ZNF547: variants seen among roughly 807,000 people sequenced by gnomAD.
ZNF547 encodes zinc finger protein 547.
ZNF547 carries 4 observed loss-of-function variants against 7.7 expected under a neutral mutation model. The ratio of observed to expected loss-of-function variants is 0.52; its 90% CI spans 0.26 to 1.20. ZNF547 has a LOEUF of 1.20. Ranked by LOEUF, ZNF547 falls within the 50% of genes most tolerant of loss-of-function variation. ZNF547 has a pLI of 0.14. For missense variants in ZNF547, 449 were observed against 485.8 expected, an observed-to-expected ratio of 0.92 and a Z score of 0.71; for synonymous variants, 166 against 166.2, an observed-to-expected ratio of 1.00 and a Z score of 0.01.
intron 3 of ZNF547, among the ~76,000 whole-genome samples, chr19:57,372,808 A>G (rs1415475428): frequency 1.3e-5 from 2 of 152,178 alleles, no homozygotes; most frequent in African/African-American, 4.8e-5. Context: ...CCTGAACACC[A>G]TCTCCTCTGT....
chr19:57,365,861 T>C (rs1437256938), intron 1 of ZNF547, among the ~76,000 whole-genome samples: 2 of 148,944 alleles, frequency 1.3e-5, no homozygotes, highest in Admixed American at 6.6e-5. Context: ...TTTCTTTCTT[T>C]CTTTTTTTTT....
At chr19:57,368,898 A>G (rs2123013927) in intron 2 of ZNF547, among the ~76,000 whole-genome samples, 1 of 152,264 alleles carries the variant, frequency 6.6e-6, no homozygotes, top group African/African-American at 2.4e-5. Context: ...TGTTTAGAGG[A>G]GAGACTGAAC....
At chr19:57,375,249 C>T (rs1204203886) in intron 3 of ZNF547, among the ~76,000 whole-genome samples, 1 of 152,060 alleles carries the variant, frequency 6.6e-6, no homozygotes, top group Non-Finnish European at 1.5e-5. Flanking sequence ...ACTCGGGAGG[C>T]TGAAGCAAGA....
intron 2 of ZNF547, among the ~76,000 whole-genome samples, chr19:57,369,899 C>CTTGTTTTTTTTTTT (rs2088493680): frequency 3.9e-5 from 2 of 51,678 alleles, no homozygotes; most frequent in Non-Finnish European, 6.7e-5. Context: ...ACTCACAGTT[C>CTTGTTTTTTTTTTT]TTTTTTTTTT....
Position 57,378,542 on chromosome 19 carries a change from A to G in ZNF547, c.*357A>G, listed in dbSNP as rs2088554336. 4.7e-6 allele frequency: 2 copies of G among 421,614 alleles called. No homozygotes were observed. The highest frequency in any genetic ancestry group is 4.1e-5 in the African/African-American group (2 of 49,074). The allele number at this position is 421,614 out of a possible 1,614,324, so 26.1% of individuals were successfully genotyped here. A position where few individuals can be genotyped will look rare whatever the true frequency, so the allele number is the denominator to read the frequency against. Reference sequence around the variant, plus strand: ...CTTCTGAGTACAGCAAATGTGTGACATTATTTTGCTACTACTCCACACTAC... The same window carrying G: ...CTTCTGAGTACAGCAAATGTGTGACGTTATTTTGCTACTACTCCACACTAC... On this transcript the variant is annotated 3_prime_UTR_variant, in exon 4 of 4. Coordinates refer to ENST00000282282, the MANE Select transcript of ZNF547 (RefSeq NM_173631.4).
chr19:57,365,415 C>G (rs913220333), intron 1 of ZNF547: 1 of 616,072 alleles, frequency 1.6e-6, no homozygotes, highest in African/African-American at 1.8e-5. Context: ...ATAGTACATT[C>G]TGTCTCATGT....
Position 57,377,377 on chromosome 19 carries a change from C to CTAGAGG in ZNF547, c.402_407dup (p.Arg135_Gly136dup), listed in dbSNP as rs2088542922. 1 of 1,614,096 alleles carries CTAGAGG rather than the reference C, an allele frequency of 6.2e-7. No individual in the cohort carries two copies. The highest frequency in any genetic ancestry group is 1.3e-5 in the African/African-American group (1 of 74,940). On this transcript the variant is annotated inframe_insertion, in exon 4 of 4. Coordinates refer to ENST00000282282, the MANE Select transcript of ZNF547 (RefSeq NM_173631.4). Reference sequence around the variant, plus strand: ...AAGGAGCAGATTAGAGAGAAACTTTCTAGAGGGGATGGAGGAAGACCGACA... The same window carrying CTAGAGG: ...AAGGAGCAGATTAGAGAGAAACTTTCTAGAGGTAGAGGGGATGGAGGAAGACCGACA...
At chr19:57,365,457 G>T (rs2088460420) in intron 1 of ZNF547, 1 of 516,104 alleles carries the variant, frequency 1.9e-6, no homozygotes, top group Non-Finnish European at 3.4e-6. Context: ...GTATTTCCTT[G>T]TGAACAATGT....
Position 57,367,426 on chromosome 19 carries a change from GAAAAAAAA to G in ZNF547, c.-12-1105_-12-1098del, listed in dbSNP as rs750776299. On this transcript the variant is annotated intron_variant, in intron 1 of 3. Coordinates refer to ENST00000282282, the MANE Select transcript of ZNF547 (RefSeq NM_173631.4). ...TTGATTTCTTAAATGGTTTGTTCAA[GAAAAAAAA>G]AAAAAAAAAAAAGAATAGAGGGTGT... Among the ~76,000 whole-genome samples the G allele has an allele frequency of 1.7e-3, 114 of 65,710 alleles. 4 individuals carry two copies. The East Asian group carries it at 0.034, about 20-fold the overall frequency. The allele number at this position is 65,710 out of a possible 152,430, so 43.1% of individuals were successfully genotyped here.
In ZNF547 at chr19:57,377,282, G is replaced by A. The variant is rs138029123; in HGVS notation, c.306G>A (p.Leu102=). The change falls in exon 4 of 4, where the codon CTG becomes CTA. Residue 102 remains leucine, a synonymous_variant. Transcript: ENST00000282282. ...CSSLLKDILR[L]AEHDGTHPEQ... Reference sequence around the variant, plus strand: ...CACTTCTGAAGGACATTCTGCGTCTGGCTGAGCATGACGGAACACACCCCG... The same window carrying A: ...CACTTCTGAAGGACATTCTGCGTCTAGCTGAGCATGACGGAACACACCCCG... 658 of 1,614,208 alleles carry A rather than the reference G, an allele frequency of 4.1e-4. 10 individuals are homozygous for A. In the East Asian group the frequency reaches 0.015, roughly 36 times the overall value.
At chr19:57,368,762 T>G (rs1320036021) in intron 2 of ZNF547, among the ~76,000 whole-genome samples, 183 bp downstream of exon 2, 1 of 152,218 alleles carries the variant, frequency 6.6e-6, no homozygotes, top group East Asian at 1.9e-4. Flanking sequence ...TTTGTTTGAT[T>G]GTTTTAAGTT....
intron 1 of ZNF547, among the ~76,000 whole-genome samples, chr19:57,366,670 C>T (rs1477281752): frequency 6.6e-6 from 1 of 151,228 alleles, no homozygotes; most frequent in Non-Finnish European, 1.5e-5. Flanking sequence ...CTCAGCCTCC[C>T]AAAGTGCTGG....
At chr19:57,373,797 C>T (rs548963926) in intron 3 of ZNF547, among the ~76,000 whole-genome samples, 1 of 152,194 alleles carries the variant, frequency 6.6e-6, no homozygotes, top group Non-Finnish European at 1.5e-5. Context: ...CACAGTGATG[C>T]AATAGGTGGG....
At position 57,378,743 on chromosome 19, in the gene ZNF547, A is replaced by T. The variant is rs549770550; in HGVS notation, c.*558A>T. 1 of 436,718 alleles carries T rather than the reference A, an allele frequency of 2.3e-6. No individual in the cohort carries two copies. Among genetic ancestry groups the T allele is most frequent in the South Asian group, 1.7e-5 (1 of 59,142 alleles). The allele number at this position is 436,718 out of a possible 1,614,324, so 27.1% of individuals were successfully genotyped here. A position where few individuals can be genotyped will look rare whatever the true frequency, so the allele number is the denominator to read the frequency against. On this transcript the variant is annotated 3_prime_UTR_variant, in exon 4 of 4. Transcript: ENST00000282282. ...AAAATTTGCCATCTTAACTATTGTA[A>T]TGTCTTGTTTAATACTTGAAGTACA...
Position 57,378,170 on chromosome 19 carries a change from AG to A in ZNF547, c.1195del (p.Val399SerfsTer35), listed in dbSNP as rs750225271. On this transcript the variant is annotated frameshift_variant, in exon 4 of 4. Transcript: ENST00000282282. LOFTEE classifies it high-confidence loss of function. ...ACTCTACACTTCTCAGACATCAGAA[AG>A]TCCACACTGGATAAGGCCCTTATGA... ...YNSTLLRHQK[V>X]HTG The A allele has an allele frequency of 1.2e-6, 2 of 1,607,978 alleles. No homozygotes were observed. Among genetic ancestry groups the A allele is most frequent in the Admixed American group, 3.3e-5 (2 of 59,856 alleles).
chr19:57,375,390 C>T lies in ZNF547; in HGVS notation c.152-1738C>T, dbSNP rs191860181. 1.5e-3 allele frequency among the ~76,000 whole-genome samples: 221 copies of T among 150,712 alleles called. 1 individual carries two copies. Among genetic ancestry groups the T allele is most frequent in the African/African-American group, 5.1e-3 (207 of 40,230 alleles). On this transcript the variant is annotated intron_variant, in intron 3 of 3. Transcript: ENST00000282282. ...ACTTGGCCAGGCTTGGTGGCCCACT[C>T]CGGTAATCCCAGCACCTTGGGGGGG... is the stretch of plus-strand genomic sequence containing the variant.
chr19:57,368,653 AGTG>A (rs750922373), intron 2 of ZNF547, 74 bp downstream of exon 2: 39 of 1,439,578 alleles, frequency 2.7e-5, no homozygotes, highest in South Asian at 8.1e-5. Flanking sequence ...TGTAAAGAAA[AGTG>A]GTGTCCAGAG....
Position 57,378,032 on chromosome 19 carries a change from T to A in ZNF547, c.1056T>A (p.Tyr352Ter), listed in dbSNP as rs1056011637. The A allele has an allele frequency of 3.1e-6, 5 of 1,614,068 alleles. No homozygotes were observed. The African/African-American group carries it at 5.3e-5, about 17-fold the overall frequency. The change falls in exon 4 of 4, where the codon TAT (tyrosine) becomes TAA (stop). Residue 352 changes from tyrosine (Y) to a stop codon, truncating the protein, a stop_gained. Transcript: ENST00000282282. LOFTEE classifies it low-confidence loss of function (END_TRUNC). Reference sequence around the variant, plus strand: ...GAGTTCACACTGGAGAACGGCCTTATGAATGCAGTGAGTGTGGGAAGGCCT... The same window carrying A: ...GAGTTCACACTGGAGAACGGCCTTAAGAATGCAGTGAGTGTGGGAAGGCCT... ...HQRVHTGERP[Y>*]ECSECGKAFL...
chr19:57,366,035 T>C (rs1444672739), intron 1 of ZNF547, among the ~76,000 whole-genome samples: 4 of 150,276 alleles, frequency 2.7e-5, no homozygotes, highest in Non-Finnish European at 1.5e-5. Context: ...TGGCTAATTT[T>C]TGTATTTTTA....
Sources: gnomAD v4.1 joint callset for allele counts (sites outside exome capture counted in the v4.1 genomes callset) on GRCh38, gnomAD v4.1.1 for gene constraint, MANE v1.5 for transcripts, NCBI Gene and HGNC (gene_info 2026-07-23, HGNC 2026-07-21) for gene names.